The following KMT5B variants were observed in gnomAD, a reference collection of about 807,000 sequenced individuals.
KMT5B encodes the protein histone-lysine N-methyltransferase KMT5B.
Under a neutral mutation model 83.2 loss-of-function variants are expected in KMT5B, and 10 were observed. That is an observed-to-expected ratio of 0.12 (90% CI 0.07 to 0.20). The LOEUF is 0.20. Ranked by LOEUF, KMT5B falls within the 10% of genes least tolerant of loss-of-function variation. The probability of loss-of-function intolerance (pLI) is 1.00; values close to 1 mark genes in which losing one functional copy is unlikely to be tolerated. For synonymous variants in KMT5B, 349 were observed against 388.8 expected (o/e 0.90, Z 1.20); for missense variants, 753 against 1,067.2 (o/e 0.71, Z 4.10).
At chr11:68,165,193 T>C (rs1855205235) in intron 10 of KMT5B, among the ~76,000 whole-genome samples, 1 of 152,128 alleles carries the variant, frequency 6.6e-6, no homozygotes, top group Non-Finnish European at 1.5e-5. Flanking sequence ...CGAACCTAAG[T>C]GTTTTTGTTT....
chr11:68,212,654 T>G (rs1405449288), intron 1 of KMT5B: 5 of 150,936 alleles, frequency 3.3e-5, no homozygotes, highest in African/African-American at 1.2e-4. Context: ...GGCCGCGGGG[T>G]CGCCGGGCCA....
At chr11:68,200,294 G>GT (rs1859277137) in intron 1 of KMT5B, among the ~76,000 whole-genome samples, 1 of 152,210 alleles carries the variant, frequency 6.6e-6, no homozygotes, top group African/African-American at 2.4e-5. Context: ...GGAGCAACAA[G>GT]TGAGAAGCAG....
chr11:68,196,152 G>A (rs997267784), intron 1 of KMT5B, among the ~76,000 whole-genome samples: 3 of 152,050 alleles, frequency 2.0e-5, no homozygotes, highest in Admixed American at 6.6e-5. Context: ...GCAAGACCCT[G>A]TCTAAAATAA....
chr11:68,159,414 T>G (rs190195719), intron 10 of KMT5B, among the ~76,000 whole-genome samples: 11 of 152,322 alleles, frequency 7.2e-5, no homozygotes, highest in Admixed American at 6.5e-4. Context: ...TAAGGAGCTT[T>G]TCACAGCAGG....
At position 68,157,751 on chromosome 11, in the gene KMT5B, G is replaced by T; in HGVS notation, c.2595C>A (p.Asp865Glu). 1 of 1,613,358 alleles carries T rather than the reference G, an allele frequency of 6.2e-7. No individual in the cohort carries two copies. Among genetic ancestry groups the T allele is most frequent in the Non-Finnish European group, 8.5e-7 (1 of 1,179,770 alleles). The change falls in exon 11 of 11, where the codon GAC (aspartate) becomes GAA (glutamate). Residue 865 changes from aspartate to glutamate, a missense_variant. Asp to Glu is a conservative substitution (Grantham distance 45, BLOSUM62 2). Transcript: ENST00000304363. ...AKRLRLIVGK[D>E]SIDIDISSRR... ...TTGAAGAAATGTCAATATCTATAGA[G>T]TCTTTTCCAACTATTAACCTCAAGC...
At chr11:68,176,226 G>A (rs1239190059) in intron 4 of KMT5B, among the ~76,000 whole-genome samples, 1 of 152,044 alleles carries the variant, frequency 6.6e-6, no homozygotes, top group Admixed American at 6.6e-5. Context: ...AATTGAAAAG[G>A]CTTCCATTGT....
intron 1 of KMT5B, among the ~76,000 whole-genome samples, chr11:68,204,678 C>T (rs1209810392): frequency 7.6e-6 from 1 of 132,110 alleles, no homozygotes; most frequent in Non-Finnish European, 1.5e-5. Context: ...GGCAGTGGTG[C>T]GATCTCAGCT....
At chr11:68,178,538 G>C (rs985111341) in intron 4 of KMT5B, among the ~76,000 whole-genome samples, 3 of 151,178 alleles carry the variant, frequency 2.0e-5, no homozygotes, top group African/African-American at 7.4e-5. Context: ...AAAAATATAA[G>C]TTGCTGTCCC....
At chr11:68,181,957 G>C (rs1435618090) in intron 3 of KMT5B, among the ~76,000 whole-genome samples, 1 of 152,284 alleles carries the variant, frequency 6.6e-6, no homozygotes, top group Non-Finnish European at 1.5e-5. Context: ...GCTCTAACCA[G>C]GGCAACAGAA....
chr11:68,166,756 C>G, intron 10 of KMT5B: 15 of 1,375,754 alleles, frequency 1.1e-5, no homozygotes, highest in Non-Finnish European at 1.4e-5. Context: ...ATCCAGTTAC[C>G]AAGGTATTCA....
intron 2 of KMT5B, among the ~76,000 whole-genome samples, chr11:68,189,116 A>C (rs1377769129): frequency 6.6e-6 from 1 of 152,254 alleles, no homozygotes; most frequent in Non-Finnish European, 1.5e-5. Flanking sequence ...AGGCTAATCC[A>C]AATCCCTGGA....
At chr11:68,167,830 T>C (rs1855460327) in intron 9 of KMT5B, among the ~76,000 whole-genome samples, 1 of 152,088 alleles carries the variant, frequency 6.6e-6, no homozygotes, top group African/African-American at 2.4e-5. Context: ...ATGGTGTGAG[T>C]TCCTGCTTCT....
At position 68,206,798 on chromosome 11, in the gene KMT5B, T is replaced by C. The variant is rs1030660184; in HGVS notation, c.-77+6340A>G. ...TCTATTCCCCACCATAACTCACACA[T>C]GAAAAAAAAAATCTCATCACCTCAC... On this transcript the variant is annotated intron_variant, in intron 1 of 10. Coordinates refer to ENST00000304363, the MANE Select transcript of KMT5B (RefSeq NM_017635.5). 1.9e-4 allele frequency among the ~76,000 whole-genome samples: 29 copies of C among 150,958 alleles called. 1 individual carries two copies. Among genetic ancestry groups the C allele is most frequent in the Admixed American group, 6.6e-5 (1 of 15,206 alleles).
At chr11:68,159,212 A>G (rs778893562) in intron 10 of KMT5B, 41 bp from the exon 11 acceptor site, 1 of 1,510,880 alleles carries the variant, frequency 6.6e-7, no homozygotes, top group South Asian at 1.4e-5. Context: ...CCTTGGTAAC[A>G]GCAGAGTTCA....
intron 2 of KMT5B, among the ~76,000 whole-genome samples, chr11:68,189,071 C>G (rs1857752100): frequency 6.6e-6 from 1 of 152,200 alleles, no homozygotes; most frequent in African/African-American, 2.4e-5. Flanking sequence ...GGAAATCTAT[C>G]AGAACTTGTA....
At chr11:68,196,660 C>G (rs1858750963) in intron 1 of KMT5B, among the ~76,000 whole-genome samples, 1 of 151,890 alleles carries the variant, frequency 6.6e-6, no homozygotes. Context: ...CCTGCACAGA[C>G]AGAAACAAGG....
chr11:68,173,163 C>T (rs1046602179), intron 6 of KMT5B, among the ~76,000 whole-genome samples: 3 of 152,130 alleles, frequency 2.0e-5, no homozygotes, highest in African/African-American at 4.8e-5. Context: ...GCCTCAGCCA[C>T]CCGAGTAGCT....
At position 68,172,188 on chromosome 11, in the gene KMT5B, T is replaced by C. The variant is rs182929987; in HGVS notation, c.654-479A>G. Among the ~76,000 whole-genome samples, 379 of 152,308 alleles carry C rather than the reference T, an allele frequency of 2.5e-3. 4 individuals are homozygous for C. The highest frequency in any genetic ancestry group is 0.02 in the Admixed American group (311 of 15,282). ...AATCTTAAATTTTTTAGCAGCCACA[T>C]TGAGAAAGTTAAGTGAATATAGGTG... is the stretch of plus-strand genomic sequence containing the variant. On this transcript the variant is annotated intron_variant, in intron 6 of 10. Transcript: ENST00000304363.
chr11:68,159,134 A>G lies in KMT5B; in HGVS notation c.1212T>C (p.Asn404=), dbSNP rs1854641293. 6.3e-7 allele frequency: 1 copy of G among 1,579,914 alleles called. No individual in the cohort carries two copies. Among genetic ancestry groups the G allele is most frequent in the Admixed American group, 2.0e-5 (1 of 49,446 alleles). Residue 404 remains asparagine, a synonymous_variant, in exon 11 of 11, where the codon AAT becomes AAC. Coordinates refer to ENST00000304363, the MANE Select transcript of KMT5B (RefSeq NM_017635.5). Reference sequence around the variant, plus strand: ...GCCTCGTTAACGTTCTGCTCTTGCTATTCTTTTTTACGCCAACTGAAGATT... The same window carrying G: ...GCCTCGTTAACGTTCTGCTCTTGCTGTTCTTTTTTACGCCAACTGAAGATT... The part of the protein sequence containing the change: ...NRKSSVGVKK[N]SKSRTLTRQS...
Sources: allele counts gnomAD v4.1 joint callset (sites outside exome capture counted in the v4.1 genomes callset), GRCh38; gene constraint gnomAD v4.1.1; transcripts MANE v1.5; gene names NCBI Gene and HGNC (gene_info 2026-07-23, HGNC 2026-07-21).